NOS1AP: variants seen among roughly 807,000 people sequenced by gnomAD.
The protein encoded by NOS1AP is nitric oxide synthase 1 adaptor protein.
Under a neutral mutation model 56.2 loss-of-function variants are expected in NOS1AP, and 21 were observed. The observed-to-expected ratio is 0.37, with a 90% CI of 0.26 to 0.54. The LOEUF (loss-of-function observed/expected upper bound fraction) is 0.54. Ranked by LOEUF, NOS1AP falls within the 20% of genes least tolerant of loss-of-function variation. The pLI is 0.84. For missense variants in NOS1AP, 522 were observed against 657.8 expected, an observed-to-expected ratio of 0.79 and a Z score of 2.26; for synonymous variants, 270 against 274.6, an observed-to-expected ratio of 0.98 and a Z score of 0.17.
intron 1 of NOS1AP, among the ~76,000 whole-genome samples, chr1:162,101,125 G>T (rs539362562): frequency 1.3e-5 from 2 of 152,162 alleles, no homozygotes; most frequent in Non-Finnish European, 2.9e-5. Flanking sequence ...ATGGTGTAAG[G>T]AAGGGGTCCA....
chr1:162,219,015 G>A (rs1652675748), intron 2 of NOS1AP, among the ~76,000 whole-genome samples: 1 of 151,714 alleles, frequency 6.6e-6, no homozygotes, highest in Admixed American at 6.6e-5. Context: ...CTCAGGTGCA[G>A]CAGCAGCAGC....
At chr1:162,207,556 C>T (rs1316630065) in intron 2 of NOS1AP, among the ~76,000 whole-genome samples, 1 of 152,132 alleles carries the variant, frequency 6.6e-6, no homozygotes, top group Admixed American at 6.5e-5. Context: ...GGGTTGTGGT[C>T]AAGGATTGAA....
At chr1:162,137,585 G>C (rs1273567509) in intron 1 of NOS1AP, among the ~76,000 whole-genome samples, 1 of 152,002 alleles carries the variant, frequency 6.6e-6, no homozygotes, top group Non-Finnish European at 1.5e-5. Flanking sequence ...TCAGAAATCT[G>C]TATGTGAGGA....
chr1:162,299,259 T>G (rs1430882940), intron 3 of NOS1AP, among the ~76,000 whole-genome samples: 1 of 142,848 alleles, frequency 7.0e-6, no homozygotes, highest in Non-Finnish European at 1.6e-5. Flanking sequence ...GGCTGGAACA[T>G]TAAAAGGCTG....
intron 2 of NOS1AP, among the ~76,000 whole-genome samples, chr1:162,209,777 G>T (rs761425107): frequency 1.3e-5 from 2 of 151,992 alleles, no homozygotes; most frequent in African/African-American, 2.4e-5. Context: ...TGGGGGCGGG[G>T]GGCAAGGGCA....
intron 3 of NOS1AP, among the ~76,000 whole-genome samples, chr1:162,296,177 C>G (rs1029336857): frequency 3.9e-5 from 6 of 151,968 alleles, no homozygotes; most frequent in Admixed American, 6.5e-5. Flanking sequence ...GTCCCAACTA[C>G]TCAGGAGACT....
At chr1:162,126,346 A>G (rs1648486811) in intron 1 of NOS1AP, among the ~76,000 whole-genome samples, 1 of 152,106 alleles carries the variant, frequency 6.6e-6, no homozygotes, top group Non-Finnish European at 1.5e-5. Flanking sequence ...TAGAATGCCC[A>G]TTATTTGGTG....
intron 1 of NOS1AP, among the ~76,000 whole-genome samples, chr1:162,115,635 A>G (rs1209429749): frequency 1.9e-4 from 29 of 152,182 alleles, no homozygotes; most frequent in Admixed American, 1.7e-3. Context: ...ACTGAGTCCA[A>G]TGTGCGTTTT....
chr1:162,079,646 C>G (rs985178813), intron 1 of NOS1AP, among the ~76,000 whole-genome samples: 2 of 152,280 alleles, frequency 1.3e-5, no homozygotes, highest in Middle Eastern at 3.4e-3. Context: ...AGGATTGAAT[C>G]AGTAGTACCT....
At chr1:162,191,842 G>T (rs184759755) in intron 2 of NOS1AP, among the ~76,000 whole-genome samples, 1 of 152,112 alleles carries the variant, frequency 6.6e-6, no homozygotes, top group Non-Finnish European at 1.5e-5. Context: ...TTTAGCCTAG[G>T]TATTACCCTA....
Position 162,185,191 on chromosome 1 carries a change from TGTACCA to T in NOS1AP, c.177+30718_177+30723del, listed in dbSNP as rs1171943910. 1.4e-4 allele frequency among the ~76,000 whole-genome samples: 22 copies of T among 152,362 alleles called. No individual in the cohort carries two copies. In the East Asian group the frequency reaches 4.0e-3, roughly 28 times the overall value. On this transcript the variant is annotated intron_variant, in intron 2 of 9. Transcript: ENST00000361897. ...CTTTTGAGGACTCTTGTGATTACAT[TGTACCA>T]GTGGCTGATCCAGGATAATCTCTCC...
chr1:162,367,420 C>G lies in NOS1AP; in HGVS notation c.1474C>G (p.Gln492Glu), dbSNP rs1369314556. 1 of 1,590,810 alleles carries G rather than the reference C, an allele frequency of 6.3e-7. No individual in the cohort carries two copies. Among genetic ancestry groups the G allele is most frequent in the Non-Finnish European group, 8.6e-7 (1 of 1,166,522 alleles). ...EELPRLLNVL[Q>E]RQELGDGLDD... ...GCTGCCGCGCCTGCTGAATGTCCTG[C>G]AGAGGCAGGAACTGGGCGACGGCCT... The change falls in exon 10 of 10, where the codon CAG (glutamine) becomes GAG (glutamate). Residue 492 changes from glutamine (Q) to glutamate (E), a missense_variant. Around this residue, in one of 4 missense-constraint regions of NOS1AP, gnomAD observed 160 missense variants for 180.3 expected, o/e 0.89. Coordinates refer to ENST00000361897, the MANE Select transcript of NOS1AP (RefSeq NM_014697.3). This position sits in a 1 kb window ranked among gnomAD's most constrained non-coding sequence, Gnocchi z 6.5.
chr1:162,134,402 G>A (rs181240918), intron 1 of NOS1AP, among the ~76,000 whole-genome samples: 57 of 150,024 alleles, frequency 3.8e-4, no homozygotes, highest in Admixed American at 6.0e-4. Flanking sequence ...CATGAAAATC[G>A]CTTGAACCGG....
At chr1:162,266,350 T>C (rs773218610) in intron 2 of NOS1AP, among the ~76,000 whole-genome samples, 14 of 152,096 alleles carry the variant, frequency 9.2e-5, no homozygotes, top group Admixed American at 5.2e-4. Flanking sequence ...AATAGCAAAA[T>C]GCAGAATAGA....
chr1:162,173,588 G>C (rs1159717847), intron 2 of NOS1AP, among the ~76,000 whole-genome samples: 1 of 152,124 alleles, frequency 6.6e-6, no homozygotes, highest in Non-Finnish European at 1.5e-5. Context: ...TTAAACTAAA[G>C]AGCTTCTGCA....
chr1:162,127,343 T>C (rs1233500507), intron 1 of NOS1AP, among the ~76,000 whole-genome samples: 1 of 152,208 alleles, frequency 6.6e-6, no homozygotes, highest in East Asian at 1.9e-4. Flanking sequence ...TACAAAGTTT[T>C]AATAAATTTG....
chr1:162,125,061 C>T (rs1279225051), intron 1 of NOS1AP, among the ~76,000 whole-genome samples: 5 of 151,574 alleles, frequency 3.3e-5, no homozygotes. Flanking sequence ...TACTAATTTA[C>T]ATTCCCACCA....
chr1:162,330,755 C>A (rs1307836106), intron 4 of NOS1AP, among the ~76,000 whole-genome samples: 1 of 152,172 alleles, frequency 6.6e-6, no homozygotes, highest in Admixed American at 6.5e-5. Flanking sequence ...GGAAGCAGAG[C>A]AGCACACTGT....
At chr1:162,081,517 C>A (rs985600804) in intron 1 of NOS1AP, among the ~76,000 whole-genome samples, 6 of 150,836 alleles carry the variant, frequency 4.0e-5, no homozygotes, top group African/African-American at 1.5e-4. Context: ...CTTTCAATGC[C>A]CATGCCCTTT....
Sources: allele counts gnomAD v4.1 joint callset (sites outside exome capture counted in the v4.1 genomes callset), GRCh38; gene constraint gnomAD v4.1.1; regional missense constraint gnomAD v4.1.1; non-coding constraint Gnocchi (gnomAD v3.1); transcripts MANE v1.5; gene names NCBI Gene and HGNC (gene_info 2026-07-23, HGNC 2026-07-21).